BTAF1: variants seen among roughly 807,000 people sequenced by gnomAD.
BTAF1 encodes the protein TATA-binding protein-associated factor 172.
BTAF1 carries 38 observed loss-of-function variants against 227.1 expected under a neutral mutation model. That is an observed-to-expected ratio of 0.17 (90% CI 0.13 to 0.22). BTAF1 has a LOEUF of 0.22. BTAF1 is among the 10% of genes least tolerant of loss of function. The pLI is 1.00. For synonymous variants in BTAF1, 742 were observed against 751.9 expected (o/e 0.99, Z 0.21); for missense variants, 1,598 against 2,204.0 (o/e 0.73, Z 5.51).
intron 11 of BTAF1, 55 bp downstream of exon 11, chr10:91,960,209 T>C: frequency 6.5e-7 from 1 of 1,529,802 alleles, no homozygotes; most frequent in Non-Finnish European, 8.9e-7. Context: ...CCCTTATAGT[T>C]TATTTTCACT....
At position 91,924,008 on chromosome 10, in the gene BTAF1, T is replaced by C. The variant is rs1302254068; in HGVS notation, c.-69T>C. 3.8e-6 allele frequency: 6 copies of C among 1,573,992 alleles called. No individual in the cohort carries two copies. Among genetic ancestry groups the C allele is most frequent in the South Asian group, 1.2e-5 (1 of 85,388 alleles). On this transcript the variant is annotated 5_prime_UTR_variant, in exon 1 of 38. Transcript: ENST00000265990. ...GGCCTGGGCCTGCGCCGCTCAGCTC[T>C]CTGGAAACTAGCGCCTCAGCTGCGC... is the stretch of plus-strand genomic sequence containing the variant.
At chr10:91,956,081 A>G (rs1846066085) in intron 6 of BTAF1, among the ~76,000 whole-genome samples, 1 of 152,150 alleles carries the variant, frequency 6.6e-6, no homozygotes, top group Non-Finnish European at 1.5e-5. Context: ...TTCATTGGTC[A>G]ATTGTTTATC....
intron 20 of BTAF1, 65 bp from the exon 21 acceptor site, chr10:91,992,054 G>A: frequency 7.5e-7 from 1 of 1,324,852 alleles, no homozygotes; most frequent in South Asian, 1.8e-5. Flanking sequence ...ATCTCTTATG[G>A]AGCTGAAAAC....
intron 21 of BTAF1, among the ~76,000 whole-genome samples, chr10:91,993,090 A>G (rs1848909010): frequency 6.6e-6 from 1 of 152,214 alleles, no homozygotes; most frequent in Non-Finnish European, 1.5e-5. Flanking sequence ...AACATTCTGT[A>G]AAGTCTTTTT....
In BTAF1 at chr10:91,939,954, G is replaced by A. The variant is rs773229219; in HGVS notation, c.141G>A (p.Val47=). 2 of 1,600,904 alleles carry A rather than the reference G, an allele frequency of 1.2e-6. No individual in the cohort carries two copies. The highest frequency in any genetic ancestry group is 1.7e-6 in the Non-Finnish European group (2 of 1,169,384). The part of the protein sequence containing the change: ...PHELNNLLSK[V]LIYLRSANWD... ...ACTTTTATTTTATAATTTTTAAGGT[G>A]TTGATATATTTAAGGAGTGCAAATT... is the stretch of plus-strand genomic sequence containing the variant. Residue 47 remains valine (V), a splice_region_variant and synonymous_variant, in exon 3 of 38, where the codon GTG becomes GTA. Transcript: ENST00000265990.
In BTAF1 at chr10:91,959,165, T is replaced by C; in HGVS notation, c.990+11T>C. 1 of 1,613,832 alleles carries C rather than the reference T, an allele frequency of 6.2e-7. No individual in the cohort carries two copies. Among genetic ancestry groups the C allele is most frequent in the Non-Finnish European group, 8.5e-7 (1 of 1,179,868 alleles). ...AGCACTTTAGAAGAGGTAAGTGTATTAATGCAACAATTATCACCAAGTATT... is the reference window on the plus strand; with the variant it reads ...AGCACTTTAGAAGAGGTAAGTGTATCAATGCAACAATTATCACCAAGTATT... On this transcript the variant is annotated intron_variant, in intron 9 of 37. Coordinates refer to ENST00000265990, the MANE Select transcript of BTAF1 (RefSeq NM_003972.3).
intron 25 of BTAF1, among the ~76,000 whole-genome samples, chr10:92,005,587 ATTG>A (rs1345568593): frequency 6.6e-6 from 1 of 151,736 alleles, no homozygotes; most frequent in Non-Finnish European, 1.5e-5. Context: ...TGTAAATGGG[ATTG>A]TTTTCTTGAT....
At chr10:92,021,787 G>C (rs570059800) in intron 34 of BTAF1, among the ~76,000 whole-genome samples, 18 of 151,922 alleles carry the variant, frequency 1.2e-4, no homozygotes, top group Admixed American at 2.6e-4. Context: ...CTCATGATCC[G>C]CCTGCCTGGG....
chr10:91,926,647 C>T (rs938374812), intron 1 of BTAF1, among the ~76,000 whole-genome samples: 1 of 152,182 alleles, frequency 6.6e-6, no homozygotes, highest in Non-Finnish European at 1.5e-5. Context: ...ACACTCAACC[C>T]TAGGAAAGGA....
At chr10:91,977,758 C>T (rs893342201) in intron 14 of BTAF1, among the ~76,000 whole-genome samples, 2 of 152,158 alleles carry the variant, frequency 1.3e-5, no homozygotes, top group Admixed American at 6.5e-5. Context: ...TTTGGCCATG[C>T]TAACAGGTAT....
Position 91,924,056 on chromosome 10 carries a change from C to G in BTAF1, c.-21C>G. The G allele has an allele frequency of 3.1e-6, 5 of 1,607,070 alleles. No homozygotes were observed. Among genetic ancestry groups the G allele is most frequent in the Non-Finnish European group, 3.4e-6 (4 of 1,177,986 alleles). ...CGCGGCGCGTAGGTCGCGGGGAGCTCCGAACCGCCGGCGCCCGGCCATGGC... is the reference window on the plus strand; with the variant it reads ...CGCGGCGCGTAGGTCGCGGGGAGCTGCGAACCGCCGGCGCCCGGCCATGGC... On this transcript the variant is annotated 5_prime_UTR_variant, in exon 1 of 38. Transcript: ENST00000265990.
intron 13 of BTAF1, among the ~76,000 whole-genome samples, chr10:91,964,706 T>A (rs930735203): frequency 4.6e-5 from 7 of 152,026 alleles, no homozygotes; most frequent in Non-Finnish European, 8.8e-5. Context: ...AAGGCAGAGA[T>A]CAAATGAAGC....
chr10:92,016,602 A>C, intron 33 of BTAF1, 137 bp downstream of exon 33: 1 of 623,186 alleles, frequency 1.6e-6, no homozygotes, highest in Non-Finnish European at 2.5e-6. Flanking sequence ...CAGACTCCTG[A>C]GTAGCTGGGA....
chr10:92,023,481 C>T (rs1386532407), intron 34 of BTAF1, among the ~76,000 whole-genome samples: 7 of 152,024 alleles, frequency 4.6e-5, no homozygotes, highest in African/African-American at 1.4e-4. Context: ...GTCAGGAGTT[C>T]GAAACCAACC....
chr10:91,982,247 G>T lies in BTAF1; in HGVS notation c.2048+22G>T, dbSNP rs377725347. The T allele has an allele frequency of 3.8e-5, 62 of 1,613,520 alleles. 1 individual carries two copies. In the Middle Eastern group the frequency reaches 6.6e-4, roughly 17 times the overall value. ...CCAAGTGAGTGTACATTAAGTGTCAGGTAGTCATACATTTACAAGTCTGGC... is the reference window on the plus strand; with the variant it reads ...CCAAGTGAGTGTACATTAAGTGTCATGTAGTCATACATTTACAAGTCTGGC... On this transcript the variant is annotated intron_variant, in intron 17 of 37. Transcript: ENST00000265990.
At chr10:92,014,966 A>C (rs976784464) in intron 32 of BTAF1, among the ~76,000 whole-genome samples, 1 of 152,216 alleles carries the variant, frequency 6.6e-6, no homozygotes, top group Non-Finnish European at 1.5e-5. Context: ...GTAAAAACAC[A>C]ATATTGTATC....
At chr10:91,992,718 A>G (rs1298964085) in intron 21 of BTAF1, among the ~76,000 whole-genome samples, 1 of 152,150 alleles carries the variant, frequency 6.6e-6, no homozygotes, top group East Asian at 1.9e-4. Flanking sequence ...TTTATTTTTC[A>G]TATGAACAGC....
rs1851856018 is a variant in BTAF1 at position 92,030,940 on chromosome 10, A to C, written c.*2007A>C. Among the ~76,000 whole-genome samples the C allele has an allele frequency of 6.6e-6, 1 of 152,224 alleles. No homozygotes were observed. The highest frequency in any genetic ancestry group is 2.1e-4 in the South Asian group (1 of 4,828). ...TTGTAGTACATCTTAAGAATAATGA[A>C]GAGATGTGGAGAATTGAACTGAGTA... On this transcript the variant is annotated 3_prime_UTR_variant, in exon 38 of 38. Transcript: ENST00000265990.
chr10:91,935,867 C>A, intron 2 of BTAF1, 87 bp downstream of exon 2: 2 of 1,163,462 alleles, frequency 1.7e-6, no homozygotes, highest in East Asian at 2.9e-5. Context: ...TAAACATCAT[C>A]TTAATTTTTA....
Sources: gnomAD v4.1 joint callset for allele counts (sites outside exome capture counted in the v4.1 genomes callset) on GRCh38, gnomAD v4.1.1 for gene constraint, MANE v1.5 for transcripts, NCBI Gene and HGNC (gene_info 2026-07-23, HGNC 2026-07-21) for gene names.